Variants in SMAGP observed in about 807,000 individuals in gnomAD.
The protein encoded by SMAGP is small cell adhesion glycoprotein.
In SMAGP, 7 loss-of-function variants were observed where a neutral mutation model predicts 10.1. That is an observed-to-expected ratio of 0.70 (90% CI 0.40 to 1.31). The LOEUF (loss-of-function observed/expected upper bound fraction) is 1.31. Ranked by LOEUF, SMAGP falls within the 50% of genes most tolerant of loss-of-function variation. The pLI is 0.01. For synonymous variants in SMAGP, 49 were observed against 47.2 expected, an observed-to-expected ratio of 1.04 and a Z score of -0.16; for missense variants, 113 against 116.5, an observed-to-expected ratio of 0.97 and a Z score of 0.14.
chr12:51,260,003 G>T (rs1223854728), intron 2 of SMAGP, among the ~76,000 whole-genome samples: 3 of 151,946 alleles, frequency 2.0e-5, no homozygotes, highest in Non-Finnish European at 4.4e-5. Context: ...GTGTGTGCCT[G>T]AATTTTATGT....
intron 2 of SMAGP, among the ~76,000 whole-genome samples, chr12:51,257,961 G>A (rs777178658): frequency 6.6e-6 from 1 of 152,106 alleles, no homozygotes. Flanking sequence ...ATCAGGCTGA[G>A]AGCAACATAG....
chr12:51,245,218 T>C lies in SMAGP; in HGVS notation c.*723A>G, dbSNP rs967553832. 10 of 152,210 alleles carry C rather than the reference T, an allele frequency of 6.6e-5. No individual in the cohort carries two copies. Among genetic ancestry groups the C allele is most frequent in the African/African-American group, 2.2e-4 (9 of 41,436 alleles). The allele number at this position is 152,210 out of a possible 1,614,324, so 9.4% of individuals were successfully genotyped here. The stretch of plus-strand genomic sequence containing the variant: ...TCCCTGAGATAGTTCTGCAAACTTC[T>C]AGAACTTTCCTAGGGTTCTTATTGC... On this transcript the variant is annotated 3_prime_UTR_variant, in exon 4 of 4. Transcript: ENST00000603798.
intron 2 of SMAGP, among the ~76,000 whole-genome samples, chr12:51,262,590 C>T (rs1459673135): frequency 6.6e-6 from 1 of 152,186 alleles, no homozygotes; most frequent in African/African-American, 2.4e-5. Flanking sequence ...GTTTCTACCC[C>T]ATTTTTTTGT....
chr12:51,248,448 TC>T (rs1944805226), intron 2 of SMAGP, among the ~76,000 whole-genome samples: 2 of 127,258 alleles, frequency 1.6e-5, no homozygotes, highest in Non-Finnish European at 3.4e-5. Flanking sequence ...TCTCTCTCTC[TC>T]TCTCTCTCTC....
At chr12:51,257,479 T>G (rs1225951531) in intron 2 of SMAGP, among the ~76,000 whole-genome samples, 2 of 148,428 alleles carry the variant, frequency 1.3e-5, no homozygotes, top group African/African-American at 2.5e-5. Context: ...AGAGGCCGAG[T>G]GGGGAGAATT....
At chr12:51,246,857 G>T (rs755399536) in intron 2 of SMAGP, 26 bp from the exon 3 acceptor site, 1 of 1,508,118 alleles carries the variant, frequency 6.6e-7, no homozygotes, top group East Asian at 2.5e-5. Context: ...AAGTGGAAAA[G>T]GAAATGGAGT....
intron 1 of SMAGP, chr12:51,269,556 G>C (rs1592239348): frequency 2.4e-6 from 1 of 412,844 alleles, no homozygotes; most frequent in Non-Finnish European, 4.5e-6. Flanking sequence ...CTCTCTCCAG[G>C]TCCTTTCAAT....
intron 2 of SMAGP, among the ~76,000 whole-genome samples, chr12:51,250,609 T>C (rs1057168079): frequency 1.3e-5 from 2 of 151,580 alleles, no homozygotes; most frequent in African/African-American, 4.8e-5. Flanking sequence ...CTCAACCTCC[T>C]GACCTCAAGC....
intron 2 of SMAGP, among the ~76,000 whole-genome samples, chr12:51,266,686 C>G (rs1944977880): frequency 6.6e-6 from 1 of 152,152 alleles, no homozygotes. Context: ...AGATGGGGTT[C>G]AGTACTATCT....
intron 2 of SMAGP, among the ~76,000 whole-genome samples, chr12:51,263,231 A>G (rs1458090056): frequency 1.3e-5 from 2 of 151,998 alleles, no homozygotes; most frequent in Non-Finnish European, 2.9e-5. Flanking sequence ...AAAAATACAA[A>G]AATTAGCTGG....
intron 1 of SMAGP, 100 bp from the exon 2 acceptor site, chr12:51,269,416 G>A (rs1945006284): frequency 2.2e-6 from 2 of 892,340 alleles, no homozygotes; most frequent in South Asian, 1.4e-5. Context: ...GTTCTCCCAA[G>A]TCCCTTCCCC....
intron 2 of SMAGP, among the ~76,000 whole-genome samples, chr12:51,266,340 AGC>A (rs1424372057): frequency 2.6e-5 from 4 of 152,158 alleles, no homozygotes; most frequent in African/African-American, 9.7e-5. Context: ...AGAGTACCAC[AGC>A]GCTTGTGTTC....
chr12:51,248,434 A>ACACACACACACTCTCACTCTCT (rs1188710796), intron 2 of SMAGP, among the ~76,000 whole-genome samples: 1 of 77,468 alleles, frequency 1.3e-5, no homozygotes, highest in African/African-American at 5.1e-5. Context: ...ACACACACAC[A>ACACACACACACTCTCACTCTCT]CTCTCTCTCT....
At chr12:51,263,771 C>T (rs1183648950) in intron 2 of SMAGP, among the ~76,000 whole-genome samples, 1 of 152,176 alleles carries the variant, frequency 6.6e-6, no homozygotes, top group Non-Finnish European at 1.5e-5. Flanking sequence ...CTGACTTATG[C>T]ACTAGGCACA....
intron 2 of SMAGP, among the ~76,000 whole-genome samples, chr12:51,255,445 G>A (rs190170292): frequency 2.0e-4 from 31 of 152,306 alleles, no homozygotes; most frequent in African/African-American, 7.2e-4. Flanking sequence ...GGTGGGGCCT[G>A]ATTTCCAAAG....
Position 51,245,768 on chromosome 12 carries a change from C to T in SMAGP, c.*173G>A. The T allele has an allele frequency of 1.5e-6, 1 of 647,962 alleles. No homozygotes were observed. Among genetic ancestry groups the T allele is most frequent in the East Asian group, 2.8e-5 (1 of 36,216 alleles). The allele number at this position is 647,962 out of a possible 1,614,324, so 40.1% of individuals were successfully genotyped here. Reference sequence around the variant, plus strand: ...ATATCATAAACAGCTTTCTCCATGTCCCTGGTCCCTGGAGTCAGTGATGTC... The same window carrying T: ...ATATCATAAACAGCTTTCTCCATGTTCCTGGTCCCTGGAGTCAGTGATGTC... On this transcript the variant is annotated 3_prime_UTR_variant, in exon 4 of 4. Transcript: ENST00000603798.
chr12:51,269,378 G>C (rs891969601), intron 1 of SMAGP, 62 bp from the exon 2 acceptor site: 2 of 1,345,286 alleles, frequency 1.5e-6, no homozygotes, highest in Admixed American at 1.8e-5. Flanking sequence ...TTGAGTCCTG[G>C]AAGTCCCAGG....
chr12:51,245,872 T>A lies in SMAGP; in HGVS notation c.*69A>T. On this transcript the variant is annotated 3_prime_UTR_variant, in exon 4 of 4. Coordinates refer to ENST00000603798, the MANE Select transcript of SMAGP (RefSeq NM_001031628.2). ...GCTTCTCCCTGGCTTCAGAGAAAAC[T>A]TTCCCATAATAAGCAGTCAACGTGT... 1 of 1,522,788 alleles carries A rather than the reference T, an allele frequency of 6.6e-7. No individual in the cohort carries two copies. The allele number at this position is 1,522,788 out of a possible 1,614,324, so 94.3% of individuals were successfully genotyped here.
intron 2 of SMAGP, among the ~76,000 whole-genome samples, chr12:51,265,910 G>A (rs958355899): frequency 4.6e-5 from 7 of 152,054 alleles, no homozygotes; most frequent in African/African-American, 9.7e-5. Context: ...GTGAAACCCC[G>A]TCTCTACTAA....
Sources: allele counts gnomAD v4.1 joint callset (sites outside exome capture counted in the v4.1 genomes callset), GRCh38; gene constraint gnomAD v4.1.1; transcripts MANE v1.5; gene names NCBI Gene and HGNC (gene_info 2026-07-23, HGNC 2026-07-21).